Variants in TAFA4 observed in about 807,000 individuals in gnomAD.
The protein encoded by TAFA4 is TAFA chemokine like family member 4.
Under a neutral mutation model 21.1 loss-of-function variants are expected in TAFA4, and 20 were observed. That is an observed-to-expected ratio of 0.95 (90% CI 0.67 to 1.38). The LOEUF is 1.38. Ranked by LOEUF, TAFA4 falls within the 40% of genes most tolerant of loss-of-function variation. The pLI, the probability that TAFA4 is intolerant of heterozygous loss-of-function variation, is 0.00. For synonymous variants in TAFA4, 71 were observed against 67.4 expected, an observed-to-expected ratio of 1.05 and a Z score of -0.26; for missense variants, 211 against 180.9, an observed-to-expected ratio of 1.17 and a Z score of -0.95.
At chr3:68,883,575 A>G (rs2089640327) in intron 2 of TAFA4, among the ~76,000 whole-genome samples, 1 of 152,216 alleles carries the variant, frequency 6.6e-6, no homozygotes, top group Admixed American at 6.5e-5. Context: ...AAATATTTAA[A>G]ATAATGTCCC....
At chr3:68,747,455 G>C (rs1189361981) in intron 4 of TAFA4, among the ~76,000 whole-genome samples, 3 of 152,114 alleles carry the variant, frequency 2.0e-5, no homozygotes, top group Non-Finnish European at 4.4e-5. Context: ...ATAAAGGGCA[G>C]TTCCCCTGCA....
At chr3:68,924,212 A>G (rs933376045) in intron 1 of TAFA4, among the ~76,000 whole-genome samples, 2 of 152,252 alleles carry the variant, frequency 1.3e-5, no homozygotes, top group African/African-American at 4.8e-5. Context: ...ATGACGTGCA[A>G]TAGCCAAAAG....
intron 3 of TAFA4, among the ~76,000 whole-genome samples, chr3:68,876,670 T>G (rs534861553): frequency 1.3e-5 from 2 of 152,142 alleles, no homozygotes; most frequent in South Asian, 4.1e-4. Flanking sequence ...TTACCCTAAG[T>G]TAAAAATAAC....
chr3:68,847,320 G>A (rs1704828356), intron 3 of TAFA4, among the ~76,000 whole-genome samples: 1 of 152,228 alleles, frequency 6.6e-6, no homozygotes, highest in African/African-American at 2.4e-5. Context: ...TACACTGTTA[G>A]GGGAAAACCA....
At chr3:68,821,269 AAAC>A (rs1367382508) in intron 3 of TAFA4, among the ~76,000 whole-genome samples, 1 of 152,130 alleles carries the variant, frequency 6.6e-6, no homozygotes, top group East Asian at 1.9e-4. Context: ...CACAGCATCA[AAAC>A]AACAATAAGA....
chr3:68,811,826 C>T (rs975872237), intron 3 of TAFA4, among the ~76,000 whole-genome samples: 6 of 152,126 alleles, frequency 3.9e-5, no homozygotes, highest in African/African-American at 1.4e-4. Context: ...ACAGAGAACA[C>T]CACAAAGATA....
At chr3:68,784,075 G>T (rs938324919) in intron 3 of TAFA4, among the ~76,000 whole-genome samples, 4 of 152,166 alleles carry the variant, frequency 2.6e-5, no homozygotes, top group Non-Finnish European at 5.9e-5. Flanking sequence ...AGGGTCACAC[G>T]TTAACAGAAA....
At chr3:68,818,609 A>T (rs1364538156) in intron 3 of TAFA4, among the ~76,000 whole-genome samples, 2 of 152,210 alleles carry the variant, frequency 1.3e-5, no homozygotes, top group Admixed American at 6.5e-5. Context: ...GAGCCAATGT[A>T]GGGTTATCAA....
chr3:68,798,614 C>A (rs1045073453), intron 3 of TAFA4, among the ~76,000 whole-genome samples: 4 of 152,078 alleles, frequency 2.6e-5, no homozygotes, highest in Non-Finnish European at 1.5e-5. Flanking sequence ...AATATAAAAT[C>A]ATTTGTTGTT....
rs140999134 is a variant in TAFA4, at chr3:68,860,232, C to T, written c.130+20498G>A. Among the ~76,000 whole-genome samples the T allele has an allele frequency of 1.5e-3, 226 of 152,084 alleles. 1 individual carries two copies. The highest frequency in any genetic ancestry group is 2.5e-3 in the Non-Finnish European group (168 of 67,986). On this transcript the variant is annotated intron_variant, in intron 3 of 5. Coordinates refer to ENST00000295569, the MANE Select transcript of TAFA4 (RefSeq NM_182522.5). ...CTGAAAACAAAGTAAACTGATGAGGCGAAAGCTTGTTCCACATGGCACCTA... is the reference window on the plus strand; with the variant it reads ...CTGAAAACAAAGTAAACTGATGAGGTGAAAGCTTGTTCCACATGGCACCTA...
At chr3:68,817,186 T>A (rs533266669) in intron 3 of TAFA4, among the ~76,000 whole-genome samples, 1 of 152,254 alleles carries the variant, frequency 6.6e-6, no homozygotes, top group African/African-American at 2.4e-5. Flanking sequence ...TCCTTTATTG[T>A]CATTTCAACA....
chr3:68,771,745 C>T (rs184724332), intron 3 of TAFA4, among the ~76,000 whole-genome samples: 18 of 152,254 alleles, frequency 1.2e-4, no homozygotes, highest in East Asian at 1.2e-3. Context: ...AACCACACAA[C>T]GCCTTTCTAG....
intron 3 of TAFA4, among the ~76,000 whole-genome samples, chr3:68,766,117 T>C (rs532340298): frequency 1.3e-5 from 2 of 152,000 alleles, no homozygotes; most frequent in Admixed American, 6.6e-5. Flanking sequence ...AACATACCAA[T>C]AATAGTAGTA....
intron 3 of TAFA4, among the ~76,000 whole-genome samples, chr3:68,864,148 G>C (rs564861536): frequency 3.3e-5 from 5 of 152,206 alleles, no homozygotes; most frequent in African/African-American, 4.8e-5. Flanking sequence ...ACATTGTTAA[G>C]AGAGTGAAAA....
At chr3:68,924,740 CA>C (rs1331998777) in intron 1 of TAFA4, among the ~76,000 whole-genome samples, 1 of 151,708 alleles carries the variant, frequency 6.6e-6, no homozygotes, top group Non-Finnish European at 1.5e-5. Context: ...TAAAGCTCAA[CA>C]AGGCAAATAT....
At chr3:68,875,901 T>C (rs2089544078) in intron 3 of TAFA4, among the ~76,000 whole-genome samples, 1 of 150,532 alleles carries the variant, frequency 6.6e-6, no homozygotes, top group Non-Finnish European at 1.5e-5. Context: ...TTTCTAAATT[T>C]AGTAGTCATT....
chr3:68,753,817 A>G (rs1036026411), intron 3 of TAFA4, among the ~76,000 whole-genome samples: 4 of 152,228 alleles, frequency 2.6e-5, no homozygotes, highest in African/African-American at 9.6e-5. Flanking sequence ...AGAACTGCCA[A>G]TAACCAGAGT....
At chr3:68,793,826 G>T (rs1257394706) in intron 3 of TAFA4, among the ~76,000 whole-genome samples, 1 of 152,176 alleles carries the variant, frequency 6.6e-6, no homozygotes, top group Non-Finnish European at 1.5e-5. Flanking sequence ...GTGCAATTCA[G>T]AAAATGCCAT....
At chr3:68,928,668 G>A (rs903225882) in intron 1 of TAFA4, among the ~76,000 whole-genome samples, 1 of 152,132 alleles carries the variant, frequency 6.6e-6, no homozygotes, top group Non-Finnish European at 1.5e-5. Context: ...AATCCTTGAG[G>A]TGGGCTCAAC....
Sources: allele counts gnomAD v4.1 joint callset (sites outside exome capture counted in the v4.1 genomes callset), GRCh38; gene constraint gnomAD v4.1.1; transcripts MANE v1.5; gene names NCBI Gene and HGNC (gene_info 2026-07-23, HGNC 2026-07-21).